ARHGAP31: variants seen among roughly 807,000 people sequenced by gnomAD.
The protein encoded by ARHGAP31 is Rho GTPase activating protein 31.
In ARHGAP31, 34 loss-of-function variants were observed where a neutral mutation model predicts 113.9. The observed-to-expected ratio is 0.30, with a 90% CI of 0.23 to 0.40. The LOEUF (loss-of-function observed/expected upper bound fraction) is 0.40, where lower values mean the gene tolerates loss of function less well. Ranked by LOEUF, ARHGAP31 falls within the 10% of genes least tolerant of loss-of-function variation. The pLI is 1.00. For synonymous variants in ARHGAP31, 650 were observed against 684.8 expected (o/e 0.95, Z 0.79); for missense variants, 1,548 against 1,767.1 (o/e 0.88, Z 2.22).
chr3:119,294,976 G>A lies in ARHGAP31; in HGVS notation c.72G>A (p.Thr24=), dbSNP rs1193843422. Reference sequence around the variant, plus strand: ...CCAGCGCGTTTGGCTGTGACCTGACGGAGTATCTGGAAAGCTCGGGACAGG... The same window carrying A: ...CCAGCGCGTTTGGCTGTGACCTGACAGAGTATCTGGAAAGCTCGGGACAGG... ...GAASAFGCDL[T]EYLESSGQDV... The change falls in exon 1 of 12, where the codon ACG becomes ACA. Residue 24 remains threonine (T), a synonymous_variant. Transcript: ENST00000264245. The A allele has an allele frequency of 5.0e-6, 8 of 1,613,978 alleles. No individual in the cohort carries two copies. The African/African-American group carries it at 5.3e-5, about 11-fold the overall frequency.
At chr3:119,361,837 G>C (rs2080209882) in intron 1 of ARHGAP31, among the ~76,000 whole-genome samples, 1 of 152,168 alleles carries the variant, frequency 6.6e-6, no homozygotes, top group Non-Finnish European at 1.5e-5. Flanking sequence ...AACAACGATG[G>C]AGAATTCCTA....
At chr3:119,327,280 C>T (rs973813125) in intron 1 of ARHGAP31, among the ~76,000 whole-genome samples, 4 of 152,150 alleles carry the variant, frequency 2.6e-5, no homozygotes, top group East Asian at 1.9e-4. Context: ...CAGTGGCTCA[C>T]GCCTGTAATC....
intron 3 of ARHGAP31, among the ~76,000 whole-genome samples, chr3:119,373,242 G>A (rs1413388695): frequency 1.3e-5 from 2 of 151,984 alleles, no homozygotes; most frequent in African/African-American, 4.8e-5. Context: ...TTATAAGGAA[G>A]CTATCAATAA....
chr3:119,375,504 T>G (rs1027421750), intron 3 of ARHGAP31, among the ~76,000 whole-genome samples: 7 of 152,342 alleles, frequency 4.6e-5, no homozygotes, highest in Non-Finnish European at 5.9e-5. Flanking sequence ...CCACTCGACA[T>G]CCTTAATTTA....
In ARHGAP31 at chr3:119,294,773, A is replaced by C. The variant is rs954358993; in HGVS notation, c.-132A>C. On this transcript the variant is annotated 5_prime_UTR_variant, in exon 1 of 12. Coordinates refer to ENST00000264245, the MANE Select transcript of ARHGAP31 (RefSeq NM_020754.4). Reference sequence around the variant, plus strand: ...GTCCATGCGCAGGGCCCCCAGCCCAAGTTCTTCCATCTTCCGATGCGGCCC... The same window carrying C: ...GTCCATGCGCAGGGCCCCCAGCCCACGTTCTTCCATCTTCCGATGCGGCCC... 1.2e-6 allele frequency: 1 copy of C among 865,122 alleles called. No homozygotes were observed. Among genetic ancestry groups the C allele is most frequent in the African/African-American group, 1.7e-5 (1 of 60,372 alleles). 53.6% of individuals were successfully genotyped at this position (865,122 alleles called of 1,614,324 possible). A position where few individuals can be genotyped will look rare whatever the true frequency, so the allele number is the denominator to read the frequency against.
intron 3 of ARHGAP31, among the ~76,000 whole-genome samples, chr3:119,375,759 T>C (rs1366976130): frequency 1.3e-5 from 2 of 152,232 alleles, no homozygotes; most frequent in Non-Finnish European, 2.9e-5. Flanking sequence ...TGTTAAATTA[T>C]GTATTTGCCT....
intron 1 of ARHGAP31, among the ~76,000 whole-genome samples, chr3:119,318,126 TG>T: frequency 6.6e-6 from 1 of 151,956 alleles, no homozygotes; most frequent in East Asian, 1.9e-4. Context: ...TTTCATTAGC[TG>T]GGCATGGTGG....
At chr3:119,381,857 G>T (rs750801792) in intron 4 of ARHGAP31, among the ~76,000 whole-genome samples, 2 of 152,138 alleles carry the variant, frequency 1.3e-5, no homozygotes, top group Non-Finnish European at 2.9e-5. Context: ...GTGGTGGCGG[G>T]CGCCTTTAGT....
At chr3:119,357,116 G>A (rs775644185) in intron 1 of ARHGAP31, among the ~76,000 whole-genome samples, 22 of 152,222 alleles carry the variant, frequency 1.4e-4, no homozygotes, top group Admixed American at 2.6e-4. Context: ...TATCAGTGCA[G>A]TTTTAATTTG....
rs73854490 is a variant in ARHGAP31 at position 119,332,997 on chromosome 3, G to A, written c.101-32319G>A. 2.6e-3 allele frequency among the ~76,000 whole-genome samples: 401 copies of A among 152,276 alleles called. 3 individuals carry two copies. The highest frequency in any genetic ancestry group is 9.0e-3 in the African/African-American group (374 of 41,544). ...CCAGTTGAGAGCATCAAGGCTCAGC[G>A]AGGCTAAATAACTTGCCTAAAGTCA... is the stretch of plus-strand genomic sequence containing the variant. On this transcript the variant is annotated intron_variant, in intron 1 of 11. Transcript: ENST00000264245.
chr3:119,408,324 A>T (rs1046718876), intron 10 of ARHGAP31, among the ~76,000 whole-genome samples: 1 of 152,232 alleles, frequency 6.6e-6, no homozygotes, highest in Non-Finnish European at 1.5e-5. Flanking sequence ...AGTGATGGGC[A>T]AAAGGAAATA....
At chr3:119,335,737 A>T (rs888639965) in intron 1 of ARHGAP31, among the ~76,000 whole-genome samples, 3 of 152,072 alleles carry the variant, frequency 2.0e-5, no homozygotes, top group East Asian at 1.9e-4. Flanking sequence ...AGCTGTCAGG[A>T]GTTGTTCTGG....
rs1006679476 is a variant in ARHGAP31 at position 119,417,734 on chromosome 3, C to A, written c.*1470C>A. ...TTTCTTTTCAATTATTTATAACTTT[C>A]AATGGTTCTTTCCTTTCCAGCTGGC... On this transcript the variant is annotated 3_prime_UTR_variant, in exon 12 of 12. Transcript: ENST00000264245. 1 of 152,104 alleles carries A rather than the reference C, an allele frequency of 6.6e-6. No homozygotes were observed. The highest frequency in any genetic ancestry group is 2.4e-5 in the African/African-American group (1 of 41,404). 9.4% of individuals were successfully genotyped at this position (152,104 alleles called of 1,614,324 possible). A position where few individuals can be genotyped will look rare whatever the true frequency, so the allele number is the denominator to read the frequency against.
chr3:119,307,940 CAAAA>C lies in ARHGAP31; in HGVS notation c.100+12953_100+12956del, dbSNP rs71156742. On this transcript the variant is annotated intron_variant, in intron 1 of 11. Transcript: ENST00000264245. ...AGTGAATCCAAGTATGAATTAACAG[CAAAA>C]AAAAAAAAAAAAAAAAGCTCAATCT... Among the ~76,000 whole-genome samples the C allele has an allele frequency of 9.3e-3, 421 of 45,494 alleles. 33 individuals are homozygous for C. The South Asian group carries it at 0.14, about 15-fold the overall frequency. The allele number at this position is 45,494 out of a possible 152,430, so 29.8% of individuals were successfully genotyped here.
chr3:119,409,797 G>A, intron 11 of ARHGAP31, 21 bp downstream of exon 11: 4 of 1,577,236 alleles, frequency 2.5e-6, no homozygotes, highest in Non-Finnish European at 3.4e-6. Flanking sequence ...TTCTCCACCT[G>A]CTCCAGCCAG....
rs573091366 is a variant in ARHGAP31, at chr3:119,321,487, T to C, written c.100+26483T>C. ...CCCAAAGATGTAACATTTTGGTGGATTTCCTTCAAGTGTTTTTTTTCTATG... is the reference window on the plus strand; with the variant it reads ...CCCAAAGATGTAACATTTTGGTGGACTTCCTTCAAGTGTTTTTTTTCTATG... On this transcript the variant is annotated intron_variant, in intron 1 of 11. Transcript: ENST00000264245. 4.0e-4 allele frequency among the ~76,000 whole-genome samples: 60 copies of C among 150,228 alleles called. No individual in the cohort carries two copies. The South Asian group carries it at 0.011, about 29-fold the overall frequency.
intron 1 of ARHGAP31, among the ~76,000 whole-genome samples, chr3:119,336,960 A>AT (rs1355708155): frequency 6.6e-6 from 1 of 152,228 alleles, no homozygotes; most frequent in African/African-American, 2.4e-5. Context: ...TTCAAGGGAT[A>AT]TCCACATTAA....
In ARHGAP31 at chr3:119,416,095, G is replaced by A. The variant is rs767855667; in HGVS notation, c.4166G>A (p.Cys1389Tyr). The A allele has an allele frequency of 6.2e-7, 1 of 1,614,134 alleles. No individual in the cohort carries two copies. The highest frequency in any genetic ancestry group is 2.2e-5 in the East Asian group (1 of 44,880). The change falls in exon 12 of 12, where the codon TGT becomes TAT. Residue 1389 changes from cysteine to tyrosine, a missense_variant. Physicochemically the swap from Cys to Tyr is radical, Grantham distance 194 (BLOSUM62 -2). Coordinates refer to ENST00000264245, the MANE Select transcript of ARHGAP31 (RefSeq NM_020754.4). The stretch of plus-strand genomic sequence containing the variant: ...CAGACAGTTTCCCCTGGCCTTCTTT[G>A]TGGAGAGTTGGCAGAAAACACATGG... ...PTQTVSPGLL[C>Y]GELAENTWVT...
Position 119,416,584 on chromosome 3 carries a change from C to G in ARHGAP31, c.*320C>G. ...CAGATTGCTCCCCTATTGCTATTAT[C>G]TATTACTCTTGAGAGCTGGCTGTCC... On this transcript the variant is annotated 3_prime_UTR_variant, in exon 12 of 12. Coordinates refer to ENST00000264245, the MANE Select transcript of ARHGAP31 (RefSeq NM_020754.4). The G allele has an allele frequency of 2.6e-6, 1 of 389,028 alleles. No homozygotes were observed. Among genetic ancestry groups the G allele is most frequent in the East Asian group, 6.0e-5 (1 of 16,606 alleles). The allele number at this position is 389,028 out of a possible 1,614,324, so 24.1% of individuals were successfully genotyped here.
Sources: allele counts gnomAD v4.1 joint callset (sites outside exome capture counted in the v4.1 genomes callset), GRCh38; gene constraint gnomAD v4.1.1; transcripts MANE v1.5; gene names NCBI Gene and HGNC (gene_info 2026-07-23, HGNC 2026-07-21).